DEUP1: variants seen among roughly 807,000 people sequenced by gnomAD.
DEUP1 encodes the protein coiled-coil domain containing 67.
A neutral mutation model predicts 87.4 loss-of-function variants in DEUP1; 82 were observed. The observed-to-expected ratio is 0.94, with a 90% CI of 0.78 to 1.13. The LOEUF (loss-of-function observed/expected upper bound fraction) is 1.13, where lower values mean the gene tolerates loss of function less well. Among genes scored for constraint, DEUP1 ranks in the 50% most tolerant of loss-of-function variants. DEUP1 has a pLI of 0.00. For synonymous variants in DEUP1, 214 were observed against 222.7 expected (o/e 0.96, Z 0.35); for missense variants, 663 against 681.5 (o/e 0.97, Z 0.30).
At chr11:93,355,569 G>A in intron 3 of DEUP1, 27 bp downstream of exon 3, 2 of 1,582,476 alleles carry the variant, frequency 1.3e-6, no homozygotes, top group Non-Finnish European at 1.7e-6. Context: ...TTAACAAATT[G>A]CTAATTCATC....
rs1315198997 is a variant in DEUP1 at position 93,420,263 on chromosome 11, C to T, written c.1638+5149C>T. On this transcript the variant is annotated intron_variant, in intron 13 of 13. Coordinates refer to ENST00000298050, the MANE Select transcript of DEUP1 (RefSeq NM_181645.4). Reference sequence around the variant, plus strand: ...TGGGATGCAAGGCTGGTTCAACATACGCAAATCAATAAATGTAATCCAGCA... The same window carrying T: ...TGGGATGCAAGGCTGGTTCAACATATGCAAATCAATAAATGTAATCCAGCA... 6.2e-3 allele frequency among the ~76,000 whole-genome samples: 938 copies of T among 151,958 alleles called. 1 individual carries two copies. The highest frequency in any genetic ancestry group is 0.019 in the African/African-American group (803 of 41,394).
At chr11:93,387,842 T>C (rs1946632723) in intron 8 of DEUP1, among the ~76,000 whole-genome samples, 1 of 152,086 alleles carries the variant, frequency 6.6e-6, no homozygotes, top group African/African-American at 2.4e-5. Flanking sequence ...TATTACTAAG[T>C]AGGAAACAAA....
rs570439981 is a variant in DEUP1 at position 93,414,314 on chromosome 11, C to T, written c.1524-686C>T. The stretch of plus-strand genomic sequence containing the variant: ...GAATCACAAGGTCAGGAGATCGAGA[C>T]CATCCTGGCTAACATGGTGAAGCCC... On this transcript the variant is annotated intron_variant, in intron 12 of 13. Coordinates refer to ENST00000298050, the MANE Select transcript of DEUP1 (RefSeq NM_181645.4). 2.2e-4 allele frequency among the ~76,000 whole-genome samples: 33 copies of T among 152,232 alleles called. No individual in the cohort carries two copies. In the Middle Eastern group the frequency reaches 0.01, roughly 47 times the overall value.
chr11:93,392,993 T>A (rs1032393152), intron 9 of DEUP1, among the ~76,000 whole-genome samples: 1 of 145,612 alleles, frequency 6.9e-6, no homozygotes, highest in African/African-American at 2.5e-5. Flanking sequence ...GCCCTCCTCC[T>A]CCTCCTTCTT....
At chr11:93,375,115 T>C (rs1401240512) in intron 7 of DEUP1, among the ~76,000 whole-genome samples, 1 of 151,756 alleles carries the variant, frequency 6.6e-6, no homozygotes, top group East Asian at 1.9e-4. Context: ...TGTATAGCAG[T>C]GCCACTGATT....
intron 7 of DEUP1, 29 bp from the exon 8 acceptor site, chr11:93,385,369 G>A (rs1269853708): frequency 2.5e-6 from 4 of 1,608,868 alleles, no homozygotes; most frequent in Middle Eastern, 3.3e-4. Context: ...CCAACAATGA[G>A]CATGAAATTT....
intron 7 of DEUP1, among the ~76,000 whole-genome samples, chr11:93,375,184 C>T (rs557905446): frequency 2.0e-5 from 3 of 152,072 alleles, no homozygotes; most frequent in Non-Finnish European, 2.9e-5. Context: ...GTTCTAGGAG[C>T]TTTTTGGATG....
At chr11:93,434,652 A>G (rs1236606265) in intron 13 of DEUP1, among the ~76,000 whole-genome samples, 3 of 152,176 alleles carry the variant, frequency 2.0e-5, no homozygotes, top group African/African-American at 7.2e-5. Flanking sequence ...GTCTCTTGGT[A>G]GAAGCATTCC....
chr11:93,385,505 A>AC lies in DEUP1; in HGVS notation c.897_898insC (p.Ile300HisfsTer11). The AC allele has an allele frequency of 6.2e-7, 1 of 1,610,378 alleles. No homozygotes were observed. Among genetic ancestry groups the AC allele is most frequent in the Non-Finnish European group, 8.5e-7 (1 of 1,178,664 alleles). ...TGCAATTACACAGAGAATTATTAAA[A>AC]ATAGGAGAGTGCCAAAATGCTCAAG... On this transcript the variant is annotated frameshift_variant, in exon 8 of 14. Transcript: ENST00000298050. LOFTEE classifies it high-confidence loss of function.
chr11:93,395,045 C>G (rs1394602947), intron 10 of DEUP1, among the ~76,000 whole-genome samples: 2 of 152,150 alleles, frequency 1.3e-5, no homozygotes, highest in African/African-American at 4.8e-5. Flanking sequence ...CTTCCTACCC[C>G]TCCCCCACAC....
intron 3 of DEUP1, 137 bp downstream of exon 3, chr11:93,355,679 A>G: frequency 1.4e-6 from 1 of 731,512 alleles, no homozygotes; most frequent in Non-Finnish European, 2.1e-6. Flanking sequence ...TCTGTCAGCA[A>G]ATTATAGGCT....
At chr11:93,391,476 A>G (rs942360847) in intron 9 of DEUP1, among the ~76,000 whole-genome samples, 14 of 152,072 alleles carry the variant, frequency 9.2e-5, no homozygotes, top group African/African-American at 2.9e-4. Context: ...TTGGGAGGCC[A>G]AGGTGGGCGG....
chr11:93,371,877 A>G (rs1471040580), intron 7 of DEUP1, among the ~76,000 whole-genome samples: 1 of 151,998 alleles, frequency 6.6e-6, no homozygotes, highest in Admixed American at 6.6e-5. Flanking sequence ...TAGGAAGGTT[A>G]TACAGCATTC....
chr11:93,355,581 G>C, intron 3 of DEUP1, 39 bp downstream of exon 3: 1 of 1,543,560 alleles, frequency 6.5e-7, no homozygotes, highest in African/African-American at 1.4e-5. Context: ...TAATTCATCA[G>C]ACTGTTACAT....
intron 9 of DEUP1, 64 bp downstream of exon 9, chr11:93,389,189 TA>T (rs75547341): frequency 0.26 from 222,323 of 855,736 alleles, 32,070 homozygotes; most frequent in South Asian, 0.39. Flanking sequence ...CAAAGGGAGT[TA>T]AAAAAAAATC....
intron 12 of DEUP1, among the ~76,000 whole-genome samples, chr11:93,413,535 C>T (rs990143194): frequency 3.3e-5 from 5 of 152,206 alleles, no homozygotes; most frequent in African/African-American, 1.2e-4. Flanking sequence ...AGCCACTGGG[C>T]CCAGCCTCTT....
intron 13 of DEUP1, among the ~76,000 whole-genome samples, chr11:93,418,355 T>A (rs1178325258): frequency 6.6e-6 from 1 of 151,488 alleles, no homozygotes; most frequent in Non-Finnish European, 1.5e-5. Context: ...AACAACCCCA[T>A]CAAAAAGTGG....
At chr11:93,400,556 A>AT (rs2134388218) in intron 11 of DEUP1, among the ~76,000 whole-genome samples, 1 of 152,284 alleles carries the variant, frequency 6.6e-6, no homozygotes, top group Admixed American at 6.5e-5. Context: ...TTTTTACACT[A>AT]TAAAGACCCT....
At chr11:93,337,943 T>A (rs1223950621) in intron 2 of DEUP1, among the ~76,000 whole-genome samples, 2 of 142,150 alleles carry the variant, frequency 1.4e-5, no homozygotes, top group Non-Finnish European at 3.2e-5. Flanking sequence ...AATGTAGATA[T>A]GTACATCAGG....
Sources: allele counts gnomAD v4.1 joint callset (sites outside exome capture counted in the v4.1 genomes callset), GRCh38; gene constraint gnomAD v4.1.1; transcripts MANE v1.5; gene names NCBI Gene and HGNC (gene_info 2026-07-23, HGNC 2026-07-21).